The following SLX4IP variants were observed in gnomAD, a reference collection of about 807,000 sequenced individuals.
The protein encoded by SLX4IP is protein SLX4IP.
Under a neutral mutation model 32.9 loss-of-function variants are expected in SLX4IP, and 34 were observed. The observed-to-expected ratio is 1.03, with a 90% CI of 0.79 to 1.38. The LOEUF (loss-of-function observed/expected upper bound fraction) is 1.38, where lower values mean the gene tolerates loss of function less well. SLX4IP is among the 40% of genes most tolerant of loss of function. The pLI, the probability that SLX4IP is intolerant of heterozygous loss-of-function variation, is 0.00. For synonymous variants in SLX4IP, 172 were observed against 171.7 expected (o/e 1.00, Z -0.01); for missense variants, 444 against 479.0 (o/e 0.93, Z 0.68).
chr20:10,519,546 G>A (rs2065885921), intron 2 of SLX4IP, among the ~76,000 whole-genome samples: 1 of 152,182 alleles, frequency 6.6e-6, no homozygotes, highest in South Asian at 2.1e-4. Context: ...GTATGTGTCA[G>A]TACTTTATTT....
chr20:10,508,178 G>A (rs138089961), intron 2 of SLX4IP, among the ~76,000 whole-genome samples: 182 of 152,276 alleles, frequency 1.2e-3, no homozygotes, highest in East Asian at 4.2e-3. Context: ...TCACCTGGCC[G>A]GAGTCAGCCA....
intron 2 of SLX4IP, among the ~76,000 whole-genome samples, chr20:10,517,929 T>C (rs1158103482): frequency 6.6e-6 from 1 of 152,146 alleles, no homozygotes; most frequent in Non-Finnish European, 1.5e-5. Flanking sequence ...AAATTTTATT[T>C]CTCCCAAAAA....
chr20:10,552,994 A>G (rs554997101), intron 2 of SLX4IP, among the ~76,000 whole-genome samples: 36 of 152,326 alleles, frequency 2.4e-4, no homozygotes, highest in Admixed American at 2.1e-3. Flanking sequence ...GACATGTTTT[A>G]CCGCTTTGGA....
chr20:10,518,213 C>A (rs551827208), intron 2 of SLX4IP, among the ~76,000 whole-genome samples: 4 of 152,334 alleles, frequency 2.6e-5, no homozygotes, highest in African/African-American at 9.6e-5. Context: ...AGTTAATGTT[C>A]TGTTAGGAAG....
chr20:10,445,933 CTTTTTT>C lies in SLX4IP; in HGVS notation c.-30+10499_-30+10504del, dbSNP rs749557514. Among the ~76,000 whole-genome samples the C allele has an allele frequency of 2.0e-4, 12 of 60,714 alleles. No homozygotes were observed. In the South Asian group the frequency reaches 5.1e-3, roughly 26 times the overall value. The allele number at this position is 60,714 out of a possible 152,430, so 39.8% of individuals were successfully genotyped here. On this transcript the variant is annotated intron_variant, in intron 1 of 7. Transcript: ENST00000334534. ...GAGCCACTGTGCCTGGCTGAGATTG[CTTTTTT>C]TTTTTTTTTTTTTTTTTTAACTCAG...
chr20:10,541,300 G>GC (rs2066103124), intron 2 of SLX4IP, among the ~76,000 whole-genome samples: 1 of 152,170 alleles, frequency 6.6e-6, no homozygotes, highest in Non-Finnish European at 1.5e-5. Flanking sequence ...GTCCTTAGGA[G>GC]CCTTCTGGAA....
At chr20:10,495,697 T>C (rs2065661189) in intron 2 of SLX4IP, among the ~76,000 whole-genome samples, 1 of 152,226 alleles carries the variant, frequency 6.6e-6, no homozygotes, top group Non-Finnish European at 1.5e-5. Flanking sequence ...TAGATTTTTC[T>C]ATGTATATTG....
At chr20:10,578,156 A>C (rs577067323) in intron 4 of SLX4IP, among the ~76,000 whole-genome samples, 2 of 152,292 alleles carry the variant, frequency 1.3e-5, no homozygotes, top group East Asian at 3.9e-4. Flanking sequence ...GAGTTGTGTA[A>C]CCATCACCAG....
intron 4 of SLX4IP, among the ~76,000 whole-genome samples, chr20:10,595,807 T>C (rs2066763458): frequency 6.6e-6 from 1 of 152,224 alleles, no homozygotes; most frequent in South Asian, 2.1e-4. Flanking sequence ...CAAGTTTCTC[T>C]TTAAACAAAG....
At chr20:10,475,189 G>A (rs989891035) in intron 2 of SLX4IP, among the ~76,000 whole-genome samples, 32 of 152,282 alleles carry the variant, frequency 2.1e-4, no homozygotes, top group Non-Finnish European at 3.1e-4. Flanking sequence ...CCGACAGCTC[G>A]GCCACCATCA....
chr20:10,441,734 T>TTG (rs957933392), intron 1 of SLX4IP, among the ~76,000 whole-genome samples: 1 of 152,000 alleles, frequency 6.6e-6, no homozygotes, highest in African/African-American at 2.4e-5. Flanking sequence ...TGTTTTTGTT[T>TTG]TTTTTTTTAT....
chr20:10,438,313 T>C (rs769387334), intron 1 of SLX4IP, among the ~76,000 whole-genome samples: 5 of 151,982 alleles, frequency 3.3e-5, no homozygotes, highest in African/African-American at 4.8e-5. Context: ...TTGGTATGTT[T>C]ATGCCAGTGA....
chr20:10,536,710 C>T (rs1206635956), intron 2 of SLX4IP, among the ~76,000 whole-genome samples: 1 of 152,160 alleles, frequency 6.6e-6, no homozygotes, highest in East Asian at 1.9e-4. Flanking sequence ...AACTCAAGCT[C>T]GATTTTCACT....
intron 5 of SLX4IP, among the ~76,000 whole-genome samples, chr20:10,601,529 G>C (rs866448959): frequency 2.0e-5 from 3 of 152,200 alleles, no homozygotes; most frequent in Non-Finnish European, 2.9e-5. Flanking sequence ...CCAATTTGCA[G>C]CCTCATCAGC....
At chr20:10,441,862 T>G (rs1417437137) in intron 1 of SLX4IP, among the ~76,000 whole-genome samples, 1 of 152,228 alleles carries the variant, frequency 6.6e-6, no homozygotes, top group Non-Finnish European at 1.5e-5. Context: ...CTTTGCTCAT[T>G]TGTCATTTTT....
At chr20:10,622,542 A>G in intron 7 of SLX4IP, 117 bp from the exon 8 acceptor site, 1 of 1,418,142 alleles carries the variant, frequency 7.1e-7, no homozygotes, top group Non-Finnish European at 9.4e-7. Flanking sequence ...TGGGGAAGCG[A>G]GAGGGCAGGT....
rs2066802589 is a variant in SLX4IP at position 10,598,689 on chromosome 20, A to G, written c.253A>G (p.Ile85Val). Residue 85 changes from isoleucine to valine, a missense_variant, in exon 5 of 8, where the codon ATC (isoleucine) becomes GTC (valine). Physicochemically the swap from Ile to Val is conservative, Grantham distance 29 (BLOSUM62 3). Transcript: ENST00000334534. ...PLSLKGYGFQITAYFLKRGIR... is the reference protein window; with the variant it reads ...PLSLKGYGFQVTAYFLKRGIR... ...TCACTTTCCAGGTTATGGCTTTCAA[A>G]TCACAGCCTATTTCCTCAAGAGAGG... 1.2e-6 allele frequency: 2 copies of G among 1,614,166 alleles called. No individual in the cohort carries two copies. Among genetic ancestry groups the G allele is most frequent in the African/African-American group, 2.7e-5 (2 of 75,064 alleles).
rs796245133 is a variant in SLX4IP, at chr20:10,500,157, C to T, written c.27+41926C>T. 4.2e-5 allele frequency among the ~76,000 whole-genome samples: 4 copies of T among 94,194 alleles called. 1 individual carries two copies. The highest frequency in any genetic ancestry group is 1.7e-4 in the African/African-American group (4 of 24,072). The allele number at this position is 94,194 out of a possible 152,430, so 61.8% of individuals were successfully genotyped here. On this transcript the variant is annotated intron_variant, in intron 2 of 7. Transcript: ENST00000334534. ...TTTTTTTTTTTTTTTTTTTTTGAGA[C>T]TGAGTCTCACTCTGTTGCCCAGGCT...
intron 4 of SLX4IP, among the ~76,000 whole-genome samples, chr20:10,561,439 A>T (rs598842): frequency 1 from 151,737 of 152,186 alleles, 75,645 homozygotes; most frequent in East Asian, 1. Flanking sequence ...CAATTTTTTT[A>T]ATAAATAGCT....
Sources: gnomAD v4.1 joint callset for allele counts (sites outside exome capture counted in the v4.1 genomes callset) on GRCh38, gnomAD v4.1.1 for gene constraint, MANE v1.5 for transcripts, NCBI Gene and HGNC (gene_info 2026-07-23, HGNC 2026-07-21) for gene names.